DUSP29: variants seen among roughly 807,000 people sequenced by gnomAD.
DUSP29 encodes dual specificity phosphatase 29.
A neutral mutation model predicts 13.5 loss-of-function variants in DUSP29; 12 were observed. The observed-to-expected ratio is 0.89, with a 90% CI of 0.57 to 1.44. DUSP29 has a LOEUF of 1.44. Among genes scored for constraint, DUSP29 ranks in the 40% most tolerant of loss-of-function variants. The pLI, the probability that DUSP29 is intolerant of heterozygous loss-of-function variation, is 0.00. For missense variants in DUSP29, 308 were observed against 301.1 expected (o/e 1.02, Z -0.17); for synonymous variants, 134 against 128.7 (o/e 1.04, Z -0.28).
intron 3 of DUSP29, among the ~76,000 whole-genome samples, chr10:75,043,388 G>A (rs568350950): frequency 4.6e-5 from 7 of 152,318 alleles, no homozygotes; most frequent in Admixed American, 1.3e-4. Flanking sequence ...CTCCCAGACC[G>A]CCTCCGCCTT....
intron 2 of DUSP29, among the ~76,000 whole-genome samples, chr10:75,046,133 A>C (rs554588174): frequency 3.5e-5 from 5 of 143,304 alleles, no homozygotes; most frequent in African/African-American, 1.3e-4. Context: ...GAAAAGAAAA[A>C]AGAAAGAAAG....
intron 2 of DUSP29, among the ~76,000 whole-genome samples, chr10:75,054,392 A>T (rs1007148353): frequency 1.2e-4 from 18 of 152,242 alleles, no homozygotes; most frequent in African/African-American, 4.1e-4. Flanking sequence ...AAGTAGTTAA[A>T]TGAATGCTCT....
intron 2 of DUSP29, among the ~76,000 whole-genome samples, chr10:75,055,954 G>A (rs182191855): frequency 1.4e-3 from 220 of 152,216 alleles, no homozygotes; most frequent in African/African-American, 5.1e-3. Context: ...CTATCCCTCA[G>A]GCTAAAGTGC....
At chr10:75,040,383 C>T (rs530509163) in intron 3 of DUSP29, among the ~76,000 whole-genome samples, 40 of 152,298 alleles carry the variant, frequency 2.6e-4, no homozygotes, top group Admixed American at 4.6e-4. Flanking sequence ...TTTAGCGCCT[C>T]GTGGCATTTG....
At chr10:75,041,939 G>A (rs1346652476) in intron 3 of DUSP29, among the ~76,000 whole-genome samples, 1 of 152,176 alleles carries the variant, frequency 6.6e-6, no homozygotes, top group Non-Finnish European at 1.5e-5. Context: ...CTAAAATTGA[G>A]TGCCAGGAAC....
chr10:75,053,692 G>GTT (rs768193986), intron 2 of DUSP29, among the ~76,000 whole-genome samples: 1 of 143,200 alleles, frequency 7.0e-6, no homozygotes, highest in Non-Finnish European at 1.5e-5. Context: ...GACTGACCAT[G>GTT]TTTTTTTTTT....
chr10:75,060,478 A>AC (rs1350385375), intron 1 of DUSP29, among the ~76,000 whole-genome samples: 1 of 152,052 alleles, frequency 6.6e-6, no homozygotes, highest in Non-Finnish European at 1.5e-5. Context: ...TAAAAAAAAA[A>AC]AAAAAAACCC....
chr10:75,064,073 G>GT (rs1847143516), intron 1 of DUSP29, among the ~76,000 whole-genome samples: 1 of 151,194 alleles, frequency 6.6e-6, no homozygotes, highest in South Asian at 2.1e-4. Flanking sequence ...TTGAGATAAC[G>GT]TCTCACTTTG....
At chr10:75,045,130 G>A (rs879903998) in intron 2 of DUSP29, among the ~76,000 whole-genome samples, 4 of 152,230 alleles carry the variant, frequency 2.6e-5, no homozygotes, top group Non-Finnish European at 5.9e-5. Context: ...GCCGAGGCAG[G>A]CAAATCACAT....
At chr10:75,065,384 A>C (rs1257337785) in intron 1 of DUSP29, among the ~76,000 whole-genome samples, 1 of 150,934 alleles carries the variant, frequency 6.6e-6, no homozygotes, top group Non-Finnish European at 1.5e-5. Flanking sequence ...TTTTTTTTTG[A>C]GACAGAGTCT....
chr10:75,071,384 G>A (rs1297763081), intron 1 of DUSP29, among the ~76,000 whole-genome samples: 3 of 152,160 alleles, frequency 2.0e-5, no homozygotes, highest in Non-Finnish European at 2.9e-5. Context: ...CCACCCTGGT[G>A]GACTCAACTG....
intron 2 of DUSP29, among the ~76,000 whole-genome samples, chr10:75,055,883 G>T (rs1416393517): frequency 1.3e-5 from 2 of 152,126 alleles, no homozygotes; most frequent in Admixed American, 6.5e-5. Flanking sequence ...ATTAATAAAA[G>T]TATACAACAG....
intron 3 of DUSP29, 149 bp from the exon 4 acceptor site, chr10:75,038,226 C>T (rs938640404): frequency 1.9e-6 from 2 of 1,056,658 alleles, no homozygotes; most frequent in African/African-American, 3.2e-5. Flanking sequence ...AGAACGGGGA[C>T]ACTCTCGGTG....
intron 3 of DUSP29, 86 bp downstream of exon 3, chr10:75,043,711 G>GGAAGGGGC (rs1846634804): frequency 4.0e-6 from 5 of 1,243,726 alleles, no homozygotes; most frequent in Admixed American, 2.1e-5. Flanking sequence ...AGTGGGGCGG[G>GGAAGGGGC]GAAGGGGCGG....
intron 1 of DUSP29, among the ~76,000 whole-genome samples, chr10:75,064,812 GT>G (rs796675096): frequency 0.035 from 5,174 of 146,674 alleles, 286 homozygotes; most frequent in African/African-American, 0.12. Flanking sequence ...ACTTTTTATA[GT>G]TTTTTTTTTT....
chr10:75,054,260 C>A (rs1054243109), intron 2 of DUSP29, among the ~76,000 whole-genome samples: 1 of 152,162 alleles, frequency 6.6e-6, no homozygotes, highest in Non-Finnish European at 1.5e-5. Flanking sequence ...TGTACCATTT[C>A]TAGGGTCAGA....
chr10:75,047,521 A>G (rs1019942507), intron 2 of DUSP29, among the ~76,000 whole-genome samples: 1 of 152,208 alleles, frequency 6.6e-6, no homozygotes, highest in African/African-American at 2.4e-5. Context: ...AGACTAAGAA[A>G]CACAGGGGCA....
At chr10:75,057,943 G>C (rs1193171902) in intron 2 of DUSP29, among the ~76,000 whole-genome samples, 1 of 152,164 alleles carries the variant, frequency 6.6e-6, no homozygotes, top group Non-Finnish European at 1.5e-5. Context: ...CCCTCCTGCT[G>C]TCTGGGTCCT....
intron 1 of DUSP29, among the ~76,000 whole-genome samples, chr10:75,071,531 C>A (rs1847328454): frequency 6.6e-6 from 1 of 152,202 alleles, no homozygotes; most frequent in Non-Finnish European, 1.5e-5. Flanking sequence ...TCCCACCCAA[C>A]CCAGGTGTCA....
Sources: gnomAD v4.1 joint callset for allele counts (sites outside exome capture counted in the v4.1 genomes callset) on GRCh38, gnomAD v4.1.1 for gene constraint, MANE v1.5 for transcripts, NCBI Gene and HGNC (gene_info 2026-07-23, HGNC 2026-07-21) for gene names.